Variants in GFAP observed in about 807,000 individuals in gnomAD.
GFAP encodes the protein glial fibrillary acidic protein, also known as intermediate filament protein.
Under a neutral mutation model 49.3 loss-of-function variants are expected in GFAP, and 38 were observed. The observed-to-expected ratio is 0.77, with a 90% CI of 0.60 to 1.01. The LOEUF (loss-of-function observed/expected upper bound fraction) is 1.01. Among genes scored for constraint, GFAP ranks in the 50% least tolerant of loss-of-function variants. The pLI is 0.00. For synonymous variants in GFAP, 222 were observed against 236.4 expected, an observed-to-expected ratio of 0.94 and a Z score of 0.56; for missense variants, 463 against 579.1, an observed-to-expected ratio of 0.80 and a Z score of 2.06.
At position 44,911,400 on chromosome 17, in the gene GFAP, C is replaced by A; in HGVS notation, c.963G>T (p.Ala321=). 6.2e-7 allele frequency: 1 copy of A among 1,613,670 alleles called. No homozygotes were observed. The change falls in exon 6 of 9, where the codon GCG becomes GCT. Residue 321 remains alanine (A), a synonymous_variant. Coordinates refer to ENST00000588735, the MANE Select transcript of GFAP (RefSeq NM_002055.5). ...GCGCCAGCGCCTCCTGATAACTGGCCGCCTCCCGCACGTGCCGCTCCTCCT... is the reference window on the plus strand; with the variant it reads ...GCGCCAGCGCCTCCTGATAACTGGCAGCCTCCCGCACGTGCCGCTCCTCCT... ...REQEERHVRE[A]ASYQEALARL...
Position 44,911,483 on chromosome 17 carries a change from C to T in GFAP, c.907-27G>A, listed in dbSNP as rs749516281. The T allele has an allele frequency of 3.8e-6, 6 of 1,580,658 alleles. No homozygotes were observed. In the Admixed American group the frequency reaches 5.1e-5, roughly 13 times the overall value. The stretch of plus-strand genomic sequence containing the variant: ...TGTGGGATGGAGCCGGCCGGTCCCG[C>T]GGAGCCCCGACCCGACTTGGGGAGG... On this transcript the variant is annotated intron_variant, in intron 5 of 8. Coordinates refer to ENST00000588735, the MANE Select transcript of GFAP (RefSeq NM_002055.5).
chr17:44,914,910 T>C, intron 1 of GFAP, 116 bp downstream of exon 1: 1 of 855,684 alleles, frequency 1.2e-6, no homozygotes, highest in Admixed American at 2.1e-5. Flanking sequence ...CATCAAGAGG[T>C]AGGGAGGCCC....
rs917389773 is a variant in GFAP at position 44,907,030 on chromosome 17, GC to G, written c.*316del. The G allele has an allele frequency of 1.1e-4, 51 of 473,860 alleles. 1 individual carries two copies. Among genetic ancestry groups the G allele is most frequent in the Middle Eastern group, 5.9e-4 (1 of 1,706 alleles). 29.4% of individuals were successfully genotyped at this position (473,860 alleles called of 1,614,324 possible). ...GGATGTGGAGGGCGATGTAGTAGGTGCCCCCCGCCCTCCTCCCCTTCTCTCC... is the reference window on the plus strand; with the variant it reads ...GGATGTGGAGGGCGATGTAGTAGGTGCCCCCGCCCTCCTCCCCTTCTCTCC... On this transcript the variant is annotated 3_prime_UTR_variant, in exon 9 of 9. Coordinates refer to ENST00000588735, the MANE Select transcript of GFAP (RefSeq NM_002055.5).
In GFAP at chr17:44,915,171, C is replaced by T; in HGVS notation, c.316G>A (p.Ala106Thr). The change falls in exon 1 of 9, where the codon GCC becomes ACC. Residue 106 changes from alanine (A) to threonine (T), a missense_variant. Physicochemically the swap from Ala to Thr is moderately conservative, Grantham distance 58. This residue lies in a region of GFAP where 362 missense variants were observed against 445.5 expected (regional missense o/e 0.81). Transcript: ENST00000588735. This position sits in a 1 kb window ranked among gnomAD's most constrained non-coding sequence, Gnocchi z 4.1. ...ALAAELNQLRAKEPTKLADVY... is the reference protein window; with the variant it reads ...ALAAELNQLRTKEPTKLADVY... The stretch of plus-strand genomic sequence containing the variant: ...TCTGCCAGCTTGGTGGGCTCCTTGG[C>T]CCGCAGCTGGTTCAGCTCAGCAGCC... 6.2e-7 allele frequency: 1 copy of T among 1,614,188 alleles called. No individual in the cohort carries two copies. Among genetic ancestry groups the T allele is most frequent in the Non-Finnish European group, 8.5e-7 (1 of 1,180,034 alleles).
Position 44,913,280 on chromosome 17 carries a change from A to G in GFAP, c.769T>C (p.Tyr257His), listed in dbSNP as rs2051814885. Residue 257 changes from tyrosine to histidine, a missense_variant, in exon 4 of 9, where the codon TAC (tyrosine) becomes CAC (histidine). Transcript: ENST00000588735. ...SSNMHEAEEWYRSKFADLTDA... is the reference protein window; with the variant it reads ...SSNMHEAEEWHRSKFADLTDA... ...ACAGGCAGGGCTACCTTGGAGCGGT[A>G]CCACTCTTCGGCTTCATGCATGTTG... 1 of 1,614,054 alleles carries G rather than the reference A, an allele frequency of 6.2e-7. No individual in the cohort carries two copies. Among genetic ancestry groups the G allele is most frequent in the Non-Finnish European group, 8.5e-7 (1 of 1,180,024 alleles).
At chr17:44,914,584 G>A (rs539163691) in intron 1 of GFAP, 13 of 226,304 alleles carry the variant, frequency 5.7e-5, no homozygotes, top group Non-Finnish European at 8.7e-5. Context: ...TGTGCTTTGC[G>A]CCCAGACCTG....
Position 44,904,992 on chromosome 17 carries a change from T to C in GFAP, c.*2355A>G. 1 of 1,550,826 alleles carries C rather than the reference T, an allele frequency of 6.4e-7. No individual in the cohort carries two copies. On this transcript the variant is annotated 3_prime_UTR_variant, in exon 9 of 9. Transcript: ENST00000588735. ...CTCACCCTGATAGGCTACCTGCTCATCACAGCAGTCTTTGTCACCATTCAC... is the reference window on the plus strand; with the variant it reads ...CTCACCCTGATAGGCTACCTGCTCACCACAGCAGTCTTTGTCACCATTCAC...
At chr17:44,911,535 G>A (rs2051766924) in intron 5 of GFAP, 79 bp from the exon 6 acceptor site, 1 of 1,545,686 alleles carries the variant, frequency 6.5e-7, no homozygotes, top group African/African-American at 1.4e-5. Context: ...CCGGCCCCAG[G>A]CCCCGCCTCT....
intron 7 of GFAP, chr17:44,908,796 G>A (rs530807391): frequency 8.5e-5 from 13 of 152,450 alleles, no homozygotes; most frequent in African/African-American, 3.1e-4. Flanking sequence ...GGGAGGCGGA[G>A]GTTGCAGTAA....
chr17:44,909,852 G>C, intron 7 of GFAP: 2 of 1,259,564 alleles, frequency 1.6e-6, no homozygotes, highest in South Asian at 2.1e-5. Flanking sequence ...CCAGTGACAG[G>C]AAGAGGTGAG....
rs867331151 is a variant in GFAP, at chr17:44,908,457, C to A, written c.1172-308G>T. 23 of 257,282 alleles carry A rather than the reference C, an allele frequency of 8.9e-5. 1 individual carries two copies. Among genetic ancestry groups the A allele is most frequent in the Middle Eastern group, 1.2e-3 (1 of 838 alleles). 15.9% of individuals were successfully genotyped at this position (257,282 alleles called of 1,614,324 possible). ...TGAAATCAGGAGACCAGGAGGGGTG[C>A]GGTGGCTCACACCTATAATGCCATC... On this transcript the variant is annotated intron_variant, in intron 7 of 8. Coordinates refer to ENST00000588735, the MANE Select transcript of GFAP (RefSeq NM_002055.5).
intron 7 of GFAP, chr17:44,910,334 G>A: frequency 6.2e-7 from 1 of 1,612,876 alleles, no homozygotes; most frequent in Non-Finnish European, 8.5e-7. Flanking sequence ...GGGATCTGCA[G>A]ACAGGGCAGA....
chr17:44,913,489 C>T, intron 3 of GFAP, 59 bp from the exon 4 acceptor site: 1 of 1,568,922 alleles, frequency 6.4e-7, no homozygotes. Context: ...GCTGGGGTTC[C>T]CCACGCCATT....
In GFAP at chr17:44,911,216, G is replaced by A. The variant is rs1303112169; in HGVS notation, c.1127+20C>T. On this transcript the variant is annotated intron_variant, in intron 6 of 8. Coordinates refer to ENST00000588735, the MANE Select transcript of GFAP (RefSeq NM_002055.5). ...TGAGGCAGCAGGGAGACTTCCCCAG[G>A]GGCTGTGATGAGGGCTCACCGGTTC... 6.2e-7 allele frequency: 1 copy of A among 1,606,222 alleles called. No homozygotes were observed. The highest frequency in any genetic ancestry group is 2.2e-5 in the East Asian group (1 of 44,848).
chr17:44,904,126 G>A lies in GFAP; in HGVS notation c.*3221C>T, dbSNP rs1025860180. The A allele has an allele frequency of 6.5e-5, 101 of 1,550,392 alleles. No homozygotes were observed. The highest frequency in any genetic ancestry group is 8.8e-5 in the Non-Finnish European group (101 of 1,146,908). On this transcript the variant is annotated 3_prime_UTR_variant, in exon 9 of 9. Coordinates refer to ENST00000588735, the MANE Select transcript of GFAP (RefSeq NM_002055.5). ...CCCAGGTACGTGTGGGCAGCGACATGCTGACCCGCTTCAGCATCCGCATGT... is the reference window on the plus strand; with the variant it reads ...CCCAGGTACGTGTGGGCAGCGACATACTGACCCGCTTCAGCATCCGCATGT...
Position 44,907,259 on chromosome 17 carries a change from G to T in GFAP, c.*88C>A. 1 of 1,271,438 alleles carries T rather than the reference G, an allele frequency of 7.9e-7. No homozygotes were observed. The highest frequency in any genetic ancestry group is 1.2e-6 in the Non-Finnish European group (1 of 869,138). The allele number at this position is 1,271,438 out of a possible 1,614,324, so 78.8% of individuals were successfully genotyped here. ...GGGTGGTGGGGAGCTCAGGTCTGGGGAAATGTGCCAGCAGAGGCGGAGCAA... is the reference window on the plus strand; with the variant it reads ...GGGTGGTGGGGAGCTCAGGTCTGGGTAAATGTGCCAGCAGAGGCGGAGCAA... On this transcript the variant is annotated 3_prime_UTR_variant, in exon 9 of 9. Transcript: ENST00000588735.
intron 3 of GFAP, 77 bp downstream of exon 3, chr17:44,913,651 A>G (rs752195141): frequency 8.4e-7 from 1 of 1,189,590 alleles, no homozygotes; most frequent in Non-Finnish European, 1.3e-6. Flanking sequence ...TCTCAGTCTC[A>G]GCTTCTCTGT....
rs2051596583 is a variant in GFAP at position 44,903,491 on chromosome 17, C to T, written c.*3856G>A. 4 of 1,274,996 alleles carry T rather than the reference C, an allele frequency of 3.1e-6. No individual in the cohort carries two copies. The highest frequency in any genetic ancestry group is 7.4e-5 in the Admixed American group (2 of 27,052). The allele number at this position is 1,274,996 out of a possible 1,614,324, so 79.0% of individuals were successfully genotyped here. A position where few individuals can be genotyped will look rare whatever the true frequency, so the allele number is the denominator to read the frequency against. ...GAGCACTGAGGCAGAGATCTCCCTGCCCGAGCACCTCGGCCCGCCCTTCTC... is the reference window on the plus strand; with the variant it reads ...GAGCACTGAGGCAGAGATCTCCCTGTCCGAGCACCTCGGCCCGCCCTTCTC... On this transcript the variant is annotated 3_prime_UTR_variant, in exon 9 of 9. Coordinates refer to ENST00000588735, the MANE Select transcript of GFAP (RefSeq NM_002055.5).
At chr17:44,913,571 C>T (rs1440080257) in intron 3 of GFAP, 141 bp from the exon 4 acceptor site, 1 of 1,096,198 alleles carries the variant, frequency 9.1e-7, no homozygotes, top group Admixed American at 1.7e-5. Context: ...CCCTTAGTGT[C>T]TTTCTGTTTG....
Sources: allele counts gnomAD v4.1 joint callset, GRCh38; gene constraint gnomAD v4.1.1; regional missense constraint gnomAD v4.1.1; non-coding constraint Gnocchi (gnomAD v3.1); transcripts MANE v1.5; gene names NCBI Gene and HGNC (gene_info 2026-07-23, HGNC 2026-07-21).